The following RAF1 variants were observed in gnomAD, a reference collection of about 807,000 sequenced individuals.
The protein encoded by RAF1 is RAF proto-oncogene serine/threonine-protein kinase.
A neutral mutation model predicts 81.1 loss-of-function variants in RAF1; 27 were observed. The ratio of observed to expected loss-of-function variants is 0.33; its 90% confidence interval spans 0.25 to 0.46. RAF1 has a LOEUF of 0.46. Among genes scored for constraint, RAF1 ranks in the 20% least tolerant of loss-of-function variants. The pLI is 1.00. For synonymous variants in RAF1, 298 were observed against 294.0 expected (o/e 1.01, Z -0.14); for missense variants, 598 against 826.0 (o/e 0.72, Z 3.38).
chr3:12,585,010 G>T, intron 16 of RAF1, 29 bp from the exon 16 acceptor site: 5 of 1,613,844 alleles, frequency 3.1e-6, no homozygotes, highest in Non-Finnish European at 4.2e-6. Flanking sequence ...CTGAGCTAAT[G>T]GGGGGTGAAT....
At chr3:12,611,832 AG>A in intron 3 of RAF1, 117 bp downstream of exon 3, 1 of 773,912 alleles carries the variant, frequency 1.3e-6, no homozygotes, top group East Asian at 2.5e-5. Flanking sequence ...TTATAAAGAA[AG>A]GTATAGAAAT....
intron 1 of RAF1, among the ~76,000 whole-genome samples, chr3:12,655,004 C>CCA (rs1553624735): frequency 6.9e-5 from 10 of 145,842 alleles, no homozygotes; most frequent in Admixed American, 6.1e-4. Context: ...AGTGAGACCC[C>CCA]CCCCCCGCCA....
intron 1 of RAF1, among the ~76,000 whole-genome samples, chr3:12,625,822 A>G (rs909569366): frequency 2.0e-5 from 3 of 152,196 alleles, no homozygotes; most frequent in African/African-American, 7.2e-5. Flanking sequence ...CAGTGAGATC[A>G]CTTCACACAC....
intron 1 of RAF1, among the ~76,000 whole-genome samples, chr3:12,661,290 CAAAT>C (rs1270681992): frequency 5.9e-5 from 9 of 152,126 alleles, no homozygotes; most frequent in African/African-American, 1.7e-4. Context: ...GAAGTCAATA[CAAAT>C]AAATAGTTTA....
At position 12,618,580 on chromosome 3, in the gene RAF1, G is replaced by C. The variant is rs752967378; in HGVS notation, c.142C>G (p.Leu48Val). The C allele has an allele frequency of 1.2e-6, 2 of 1,614,168 alleles. No homozygotes were observed. The highest frequency in any genetic ancestry group is 2.7e-5 in the African/African-American group (2 of 75,032). Residue 48 changes from leucine to valine, a missense_variant, in exon 2 of 18, where the codon CTC (leucine) becomes GTC (valine). By Grantham distance (32) the Leu-to-Val change is conservative. Transcript: ENST00000442415. ...TTGCTTGTCTTAGAAGGATCTGTGA[G>C]TTTGCCATCATCTGATGCCCGGCGC...
At chr3:12,632,340 A>G (rs2059889700) in intron 1 of RAF1, among the ~76,000 whole-genome samples, 1 of 151,680 alleles carries the variant, frequency 6.6e-6, no homozygotes. Context: ...AAAAAAAAAA[A>G]AGAGTAGGCT....
At position 12,583,747 on chromosome 3, in the gene RAF1, G is replaced by A. The variant is rs2058216125; in HGVS notation, c.*767C>T. The A allele has an allele frequency of 8.6e-6, 2 of 233,472 alleles. No individual in the cohort carries two copies. The highest frequency in any genetic ancestry group is 2.2e-5 in the African/African-American group (1 of 45,318). 14.5% of individuals were successfully genotyped at this position (233,472 alleles called of 1,614,324 possible). A position where few individuals can be genotyped will look rare whatever the true frequency, so the allele number is the denominator to read the frequency against. ...CCTGGCTTCCTTGTATACACATGAT[G>A]TGACTAGAGAAACAAGGCTGTTTGT... On this transcript the variant is annotated 3_prime_UTR_variant, in exon 18 of 18. Coordinates refer to ENST00000442415, the MANE Select transcript of RAF1 (RefSeq NM_001354689.3).
intron 1 of RAF1, among the ~76,000 whole-genome samples, chr3:12,630,867 G>A (rs978513190): frequency 2.6e-5 from 4 of 152,278 alleles, no homozygotes; most frequent in East Asian, 1.9e-4. Flanking sequence ...GCAGTGGCAC[G>A]ATCTCTGCTC....
chr3:12,631,416 G>C (rs1165726141), intron 1 of RAF1, among the ~76,000 whole-genome samples: 1 of 151,866 alleles, frequency 6.6e-6, no homozygotes, highest in African/African-American at 2.4e-5. Context: ...GGCTAACATG[G>C]TGAAACCCTG....
intron 1 of RAF1, among the ~76,000 whole-genome samples, chr3:12,622,245 T>A (rs143336829): frequency 1.3e-5 from 2 of 152,288 alleles, no homozygotes; most frequent in Non-Finnish European, 2.9e-5. Flanking sequence ...GAGAAATAGA[T>A]GACGGAAGAG....
In RAF1 at chr3:12,655,883, G is replaced by C. The variant is rs186443170; in HGVS notation, c.-27+7930C>G. 2.9e-4 allele frequency among the ~76,000 whole-genome samples: 44 copies of C among 152,118 alleles called. 1 individual carries two copies. The highest frequency in any genetic ancestry group is 8.4e-4 in the African/African-American group (35 of 41,482). On this transcript the variant is annotated intron_variant, in intron 1 of 17. Coordinates refer to ENST00000442415, the MANE Select transcript of RAF1 (RefSeq NM_001354689.3). ...TACCTGGAATAGGCAAATTCATAGA[G>C]AGAAAGTAGAATAGGGGTTACGAGG...
intron 1 of RAF1, among the ~76,000 whole-genome samples, chr3:12,628,804 G>A (rs1317061764): frequency 2.6e-5 from 4 of 151,342 alleles, no homozygotes; most frequent in East Asian, 2.0e-4. Context: ...CAGGCTAGAG[G>A]GCAGTGGTGC....
chr3:12,613,221 TCA>T (rs1286642884), intron 2 of RAF1, among the ~76,000 whole-genome samples: 2 of 152,180 alleles, frequency 1.3e-5, no homozygotes, highest in Non-Finnish European at 2.9e-5. Context: ...AATGAAAATT[TCA>T]GAGTTTTGAT....
intron 2 of RAF1, among the ~76,000 whole-genome samples, chr3:12,616,191 A>C (rs568471874): frequency 1.3e-5 from 2 of 152,362 alleles, no homozygotes; most frequent in African/African-American, 4.8e-5. Flanking sequence ...GATACAGCTA[A>C]TAAAAGGCAA....
chr3:12,605,270 G>GTGTGTA (rs2058990230), intron 6 of RAF1, among the ~76,000 whole-genome samples: 1 of 151,914 alleles, frequency 6.6e-6, no homozygotes, highest in Non-Finnish European at 1.5e-5. Context: ...GTGTGTGTGT[G>GTGTGTA]TGTGTGTGTG....
At chr3:12,618,489 A>G (rs2125452562) in intron 2 of RAF1, 26 bp downstream of exon 2, 1 of 1,612,804 alleles carries the variant, frequency 6.2e-7, no homozygotes, top group East Asian at 2.2e-5. Context: ...AAATAGCTAA[A>G]TTTCCTAAGT....
intron 12 of RAF1, among the ~76,000 whole-genome samples, chr3:12,591,192 G>A (rs1162847265): frequency 3.9e-5 from 6 of 152,086 alleles, no homozygotes; most frequent in Admixed American, 3.3e-4. Context: ...TCAGTTCAGT[G>A]CCAGCCTTGC....
chr3:12,662,248 C>A (rs2060901262), intron 1 of RAF1, among the ~76,000 whole-genome samples: 1 of 146,936 alleles, frequency 6.8e-6, no homozygotes, highest in Non-Finnish European at 1.5e-5. Flanking sequence ...GGCAGGAGAA[C>A]TGCTTAAGCC....
intron 2 of RAF1, among the ~76,000 whole-genome samples, chr3:12,612,566 T>G (rs931267125): frequency 2.0e-5 from 3 of 147,838 alleles, no homozygotes; most frequent in Admixed American, 6.9e-5. Flanking sequence ...GGAGAATTGC[T>G]GGAACCCAGG....
Sources: allele counts gnomAD v4.1 joint callset (sites outside exome capture counted in the v4.1 genomes callset), GRCh38; gene constraint gnomAD v4.1.1; transcripts MANE v1.5; gene names NCBI Gene and HGNC (gene_info 2026-07-23, HGNC 2026-07-21).